Variants in WSCD2 observed in about 807,000 individuals in gnomAD.
WSCD2 encodes WSC domain sialate O sulfotransferase 2.
A neutral mutation model predicts 55.7 loss-of-function variants in WSCD2; 28 were observed. The observed-to-expected ratio is 0.50, with a 90% confidence interval of 0.37 to 0.69. WSCD2 has a LOEUF of 0.69. Among genes scored for constraint, WSCD2 ranks in the 30% least tolerant of loss-of-function variants. WSCD2 has a pLI of 0.00. For synonymous variants in WSCD2, 301 were observed against 301.9 expected, an observed-to-expected ratio of 1.00 and a Z score of 0.03; for missense variants, 616 against 762.1, an observed-to-expected ratio of 0.81 and a Z score of 2.26.
intron 7 of WSCD2, among the ~76,000 whole-genome samples, chr12:108,235,741 G>T (rs1020115932): frequency 6.6e-6 from 1 of 152,160 alleles, no homozygotes; most frequent in Non-Finnish European, 1.5e-5. Context: ...AGACAGGCAG[G>T]GGGTAGTGGG....
chr12:108,190,546 C>T (rs1808446847), intron 1 of WSCD2, among the ~76,000 whole-genome samples: 1 of 152,116 alleles, frequency 6.6e-6, no homozygotes, highest in South Asian at 2.1e-4. Context: ...TAATTTTACT[C>T]CCAGGGGAGG....
chr12:108,213,605 T>G (rs1247135956), intron 4 of WSCD2, among the ~76,000 whole-genome samples: 2 of 152,148 alleles, frequency 1.3e-5, no homozygotes, highest in Non-Finnish European at 2.9e-5. Context: ...TGAAAGGTTG[T>G]TGCCTGGCAG....
rs528114595 is a variant in WSCD2 at position 108,213,302 on chromosome 12, C to T, written c.682+2997C>T. Among the ~76,000 whole-genome samples the T allele has an allele frequency of 5.9e-4, 90 of 152,258 alleles. 1 individual carries two copies. The highest frequency in any genetic ancestry group is 3.4e-3 in the Middle Eastern group (1 of 294). ...GTTGAACCACAGACCCAGAGGGCTG[C>T]GGGGGCTCTGTCTTCAAGAGCCAAG... On this transcript the variant is annotated intron_variant, in intron 4 of 8. Transcript: ENST00000547525.
At chr12:108,152,971 G>T (rs1565919987) in intron 1 of WSCD2, among the ~76,000 whole-genome samples, 1 of 152,102 alleles carries the variant, frequency 6.6e-6, no homozygotes, top group Non-Finnish European at 1.5e-5. Context: ...AGGTGTGGTG[G>T]TGCACACCTA....
intron 6 of WSCD2, among the ~76,000 whole-genome samples, chr12:108,230,917 C>A (rs923769092): frequency 6.6e-6 from 1 of 152,152 alleles, no homozygotes; most frequent in Non-Finnish European, 1.5e-5. Context: ...GGAATGTGGA[C>A]AACTCTGCTG....
chr12:108,232,128 T>A (rs1417232249), intron 6 of WSCD2, among the ~76,000 whole-genome samples: 2 of 152,108 alleles, frequency 1.3e-5, no homozygotes, highest in Non-Finnish European at 2.9e-5. Flanking sequence ...AATGAGCCTG[T>A]GAGTTTGCAA....
intron 1 of WSCD2, among the ~76,000 whole-genome samples, chr12:108,175,583 A>G (rs1394190164): frequency 1.3e-5 from 2 of 152,254 alleles, no homozygotes; most frequent in Admixed American, 6.5e-5. Flanking sequence ...GGTACTTCTC[A>G]GAGCAAAAAT....
chr12:108,223,736 C>A (rs1645977883), intron 4 of WSCD2, among the ~76,000 whole-genome samples: 1 of 152,204 alleles, frequency 6.6e-6, no homozygotes, highest in Admixed American at 6.5e-5. Flanking sequence ...CAGGAGCAAG[C>A]AGCCCCTCCC....
chr12:108,188,942 T>C (rs1394517336), intron 1 of WSCD2, among the ~76,000 whole-genome samples: 1 of 152,180 alleles, frequency 6.6e-6, no homozygotes, highest in Non-Finnish European at 1.5e-5. Flanking sequence ...ATCTGTAAAG[T>C]GGGTATAATA....
In WSCD2 at chr12:108,177,944, G is replaced by A. The variant is rs114326064; in HGVS notation, c.-551-17338G>A. Among the ~76,000 whole-genome samples, 848 of 151,918 alleles carry A rather than the reference G, an allele frequency of 5.6e-3. 14 individuals carry two copies. The highest frequency in any genetic ancestry group is 0.018 in the African/African-American group (763 of 41,410). ...GTGTGTACATATGTGAAATTCCTGCGCACTTGTTTTTACCATGCCACATAT... is the reference window on the plus strand; with the variant it reads ...GTGTGTACATATGTGAAATTCCTGCACACTTGTTTTTACCATGCCACATAT... On this transcript the variant is annotated intron_variant, in intron 1 of 8. Transcript: ENST00000547525.
intron 5 of WSCD2, among the ~76,000 whole-genome samples, chr12:108,226,568 C>A (rs904335399): frequency 3.9e-5 from 6 of 152,268 alleles, no homozygotes; most frequent in African/African-American, 1.4e-4. Context: ...TAACTACTCT[C>A]TATGCAGGAA....
chr12:108,241,086 C>T (rs1889708575), intron 8 of WSCD2, among the ~76,000 whole-genome samples: 1 of 152,094 alleles, frequency 6.6e-6, no homozygotes, highest in Non-Finnish European at 1.5e-5. Flanking sequence ...GCCACAAGGT[C>T]CTGAGAGCAC....
At chr12:108,224,594 G>A (rs1887878243) in intron 4 of WSCD2, 145 bp from the exon 5 acceptor site, 1 of 1,034,440 alleles carries the variant, frequency 9.7e-7, no homozygotes, top group African/African-American at 1.6e-5. Flanking sequence ...AGAAAACATG[G>A]CCACTCTTTC....
intron 7 of WSCD2, among the ~76,000 whole-genome samples, chr12:108,235,416 C>T (rs1009703845): frequency 6.6e-6 from 1 of 152,136 alleles, no homozygotes; most frequent in Admixed American, 6.6e-5. Flanking sequence ...ATCAGACTGT[C>T]AGGAGCGGGC....
intron 1 of WSCD2, among the ~76,000 whole-genome samples, chr12:108,135,960 G>A (rs1040672822): frequency 1.3e-5 from 2 of 152,190 alleles, no homozygotes; most frequent in South Asian, 2.1e-4. Flanking sequence ...CTTACTATCT[G>A]GCCCTTTACA....
chr12:108,246,387 C>T (rs1049367860), intron 8 of WSCD2, among the ~76,000 whole-genome samples: 2 of 152,132 alleles, frequency 1.3e-5, no homozygotes, highest in Non-Finnish European at 2.9e-5. Context: ...TGGCAGGCAC[C>T]GGGTAGTGTT....
At chr12:108,152,893 G>A (rs747976204) in intron 1 of WSCD2, among the ~76,000 whole-genome samples, 5 of 152,072 alleles carry the variant, frequency 3.3e-5, no homozygotes, top group Non-Finnish European at 4.4e-5. Flanking sequence ...ACCTGAGGTC[G>A]GGAGTTCAAG....
intron 2 of WSCD2, among the ~76,000 whole-genome samples, chr12:108,205,582 G>T (rs1885264417): frequency 1.3e-5 from 2 of 152,088 alleles, no homozygotes; most frequent in South Asian, 4.1e-4. Context: ...CCTTTGAATG[G>T]AAACATTCAC....
chr12:108,244,446 A>G (rs1355105817), intron 8 of WSCD2: 1 of 698,248 alleles, frequency 1.4e-6, no homozygotes, highest in Non-Finnish European at 2.6e-6. Flanking sequence ...GAGAGTCAGG[A>G]GATACAGGAG....
Sources: allele counts gnomAD v4.1 joint callset (sites outside exome capture counted in the v4.1 genomes callset), GRCh38; gene constraint gnomAD v4.1.1; transcripts MANE v1.5; gene names NCBI Gene and HGNC (gene_info 2026-07-23, HGNC 2026-07-21).